The following CABIN1 variants were observed in gnomAD, a reference collection of about 807,000 sequenced individuals.
CABIN1 encodes calcineurin binding protein 1.
A neutral mutation model predicts 227.7 loss-of-function variants in CABIN1; 133 were observed. That is an observed-to-expected ratio of 0.58 (90% CI 0.51 to 0.67). CABIN1 has a LOEUF of 0.67. CABIN1 is among the 30% of genes least tolerant of loss of function. The probability of loss-of-function intolerance (pLI) is 0.00; values close to 1 mark genes in which losing one functional copy is unlikely to be tolerated. For missense variants in CABIN1, 2,408 were observed against 2,852.5 expected (o/e 0.84, Z 3.55); for synonymous variants, 1,086 against 1,155.1 (o/e 0.94, Z 1.21).
At chr22:24,043,123 GT>G in intron 6 of CABIN1, 39 bp downstream of exon 6, 5 of 1,602,498 alleles carry the variant, frequency 3.1e-6, no homozygotes, top group Non-Finnish European at 2.6e-6. Flanking sequence ...TGTGCCAGTG[GT>G]TTTTGGAACA....
intron 1 of CABIN1, among the ~76,000 whole-genome samples, chr22:24,024,295 C>T (rs888110120): frequency 3.3e-5 from 5 of 152,094 alleles, no homozygotes; most frequent in African/African-American, 9.7e-5. Context: ...AAAAGTTTTA[C>T]ATTTTGATGA....
intron 29 of CABIN1, among the ~76,000 whole-genome samples, chr22:24,156,775 G>A (rs1011277885): frequency 5.9e-5 from 9 of 152,142 alleles, no homozygotes. Context: ...GGGATGGGGG[G>A]TGGGCACATA....
chr22:24,032,741 C>T (rs2036583867), intron 1 of CABIN1, among the ~76,000 whole-genome samples: 1 of 152,108 alleles, frequency 6.6e-6, no homozygotes, highest in African/African-American at 2.4e-5. Flanking sequence ...ATAGTGGTCC[C>T]AGTGTCCATT....
Position 24,043,307 on chromosome 22 carries a change from CTT to C in CABIN1, c.526+245_526+246del, listed in dbSNP as rs745547509. On this transcript the variant is annotated intron_variant, in intron 6 of 36. Coordinates refer to ENST00000263119, the MANE Select transcript of CABIN1 (RefSeq NM_012295.4). The stretch of plus-strand genomic sequence containing the variant: ...GTAGCATGTTTTCTGAATGATTTTA[CTT>C]TTTTTTTTTTTTTTTTTTTTTGCTT... Among the ~76,000 whole-genome samples, 78 of 71,084 alleles carry C rather than the reference CTT, an allele frequency of 1.1e-3. No individual in the cohort carries two copies. The South Asian group carries it at 0.016, about 15-fold the overall frequency. The allele number at this position is 71,084 out of a possible 152,430, so 46.6% of individuals were successfully genotyped here.
chr22:24,104,406 A>G (rs1185781253), intron 26 of CABIN1, among the ~76,000 whole-genome samples: 2 of 152,180 alleles, frequency 1.3e-5, no homozygotes, highest in Non-Finnish European at 2.9e-5. Flanking sequence ...GAGATGCATG[A>G]TGAGGCCTCC....
chr22:24,042,854 GTGTGTGTGTGTGTGTGTGTGTGTT>G lies in CABIN1; in HGVS notation c.346-47_346-24del, dbSNP rs751771601. Reference sequence around the variant, plus strand: ...TGTGTGTGTGTGTGTGTGTGTGTGTGTGTGTGTGTGTGTGTGTGTGTGTTTGCCCTCTGCTTGTGTCGCTTCCAG... The same window carrying G: ...TGTGTGTGTGTGTGTGTGTGTGTGTGTGCCCTCTGCTTGTGTCGCTTCCAG... On this transcript the variant is annotated intron_variant, in intron 5 of 36. Transcript: ENST00000263119. The G allele has an allele frequency of 2.0e-5, 19 of 967,836 alleles. No homozygotes were observed. The African/African-American group carries it at 3.1e-4, about 16-fold the overall frequency. 60.0% of individuals were successfully genotyped at this position (967,836 alleles called of 1,614,324 possible).
chr22:24,058,930 T>G (rs746390743), intron 10 of CABIN1, among the ~76,000 whole-genome samples: 1 of 152,246 alleles, frequency 6.6e-6, no homozygotes, highest in Non-Finnish European at 1.5e-5. Flanking sequence ...GCAGGCAGGA[T>G]CTGCCACATT....
intron 23 of CABIN1, among the ~76,000 whole-genome samples, chr22:24,089,631 A>G (rs1034318835): frequency 6.6e-6 from 1 of 152,200 alleles, no homozygotes; most frequent in African/African-American, 2.4e-5. Flanking sequence ...GACAGCTTCC[A>G]ACCCTGAAAT....
chr22:24,125,176 A>G (rs779038321), intron 28 of CABIN1, among the ~76,000 whole-genome samples: 6 of 152,120 alleles, frequency 3.9e-5, no homozygotes, highest in Non-Finnish European at 7.4e-5. Context: ...CGGTACCTAT[A>G]TGGGATGAGC....
chr22:24,062,251 C>G (rs115144936), intron 13 of CABIN1, among the ~76,000 whole-genome samples: 1 of 151,514 alleles, frequency 6.6e-6, no homozygotes, highest in South Asian at 2.1e-4. Context: ...TGCTGTTACA[C>G]AAGATTGAAG....
intron 6 of CABIN1, among the ~76,000 whole-genome samples, chr22:24,045,737 C>G (rs972044639): frequency 1.3e-5 from 2 of 152,172 alleles, no homozygotes; most frequent in African/African-American, 4.8e-5. Context: ...GTAGCTTAAA[C>G]AAGAATTTAT....
intron 1 of CABIN1, among the ~76,000 whole-genome samples, chr22:24,012,544 C>G (rs1301225096): frequency 6.6e-6 from 1 of 152,146 alleles, no homozygotes; most frequent in Non-Finnish European, 1.5e-5. Context: ...GGCCAGGAAA[C>G]ATCCCCAGTT....
rs1289627182 is a variant in CABIN1 at position 24,067,151 on chromosome 22, T to G, written c.2202T>G (p.Pro734=). ...AKHLEFMTSI[P]ERPAQLLLLQ... ...ACCTGGAGTTTATGACTTCCATTCCTGAGAGGCCAGCCCAGCTGCTTCTTC... is the reference window on the plus strand; with the variant it reads ...ACCTGGAGTTTATGACTTCCATTCCGGAGAGGCCAGCCCAGCTGCTTCTTC... The change falls in exon 16 of 37, where the codon CCT becomes CCG. Residue 734 remains proline (P), a synonymous_variant. Transcript: ENST00000263119. 14 of 1,614,136 alleles carry G rather than the reference T, an allele frequency of 8.7e-6. No homozygotes were observed. Among genetic ancestry groups the G allele is most frequent in the African/African-American group, 4.0e-5 (3 of 74,946 alleles).
intron 35 of CABIN1, among the ~76,000 whole-genome samples, chr22:24,176,710 G>A (rs1374764993): frequency 1.3e-5 from 2 of 152,174 alleles, no homozygotes; most frequent in African/African-American, 4.8e-5. Context: ...GCTGGGCCAA[G>A]CAGGCGTCCC....
At chr22:24,045,651 C>T (rs560372110) in intron 6 of CABIN1, among the ~76,000 whole-genome samples, 1 of 151,932 alleles carries the variant, frequency 6.6e-6, no homozygotes, top group Non-Finnish European at 1.5e-5. Flanking sequence ...GTATTTGTTA[C>T]AACAGCAGCC....
rs542113573 is a variant in CABIN1 at position 24,041,547 on chromosome 22, A to G, written c.345+274A>G. 2.0e-5 allele frequency among the ~76,000 whole-genome samples: 3 copies of G among 152,238 alleles called. No individual in the cohort carries two copies. The South Asian group carries it at 6.2e-4, about 32-fold the overall frequency. On this transcript the variant is annotated intron_variant, in intron 5 of 36. Coordinates refer to ENST00000263119, the MANE Select transcript of CABIN1 (RefSeq NM_012295.4). ...GTGCACGTGTGGCTGTGAGTGAGTT[A>G]TTCAGTCTCTTGGTATCTCTAGGTC...
chr22:24,167,137 C>T lies in CABIN1; in HGVS notation c.5506C>T (p.Pro1836Ser). Reference sequence around the variant, plus strand: ...CACAGGGACCAGGGCAGGGGGCCACCCGGAGGAGCCGCTCTCCCGGCTCAG... The same window carrying T: ...CACAGGGACCAGGGCAGGGGGCCACTCGGAGGAGCCGCTCTCCCGGCTCAG... ...TTTGTRAGGH[P>S]EEPLSRLSRK... The change falls in exon 32 of 37, where the codon CCG becomes TCG. Residue 1836 changes from proline (P) to serine (S), a missense_variant. Transcript: ENST00000263119. The T allele has an allele frequency of 1.3e-6, 2 of 1,590,856 alleles. No homozygotes were observed. The highest frequency in any genetic ancestry group is 8.5e-7 in the Non-Finnish European group (1 of 1,170,776).
chr22:24,132,769 G>A (rs894338055), intron 28 of CABIN1, among the ~76,000 whole-genome samples: 6 of 152,122 alleles, frequency 3.9e-5, no homozygotes, highest in African/African-American at 1.4e-4. Context: ...TGTATTTTTA[G>A]TAGAGATGGG....
At chr22:24,130,340 CAG>C (rs2043997833) in intron 28 of CABIN1, among the ~76,000 whole-genome samples, 1 of 152,164 alleles carries the variant, frequency 6.6e-6, no homozygotes, top group Non-Finnish European at 1.5e-5. Context: ...GTGGATAGGT[CAG>C]GGGGCAGGGG....
Sources: gnomAD v4.1 joint callset for allele counts (sites outside exome capture counted in the v4.1 genomes callset) on GRCh38, gnomAD v4.1.1 for gene constraint, MANE v1.5 for transcripts, NCBI Gene and HGNC (gene_info 2026-07-23, HGNC 2026-07-21) for gene names.